The following LALBA variants were observed in gnomAD, a reference collection of about 807,000 sequenced individuals.
LALBA encodes the protein lactalbumin alpha.
LALBA carries 12 observed loss-of-function variants against 13.4 expected under a neutral mutation model. The ratio of observed to expected loss-of-function variants is 0.89; its 90% confidence interval spans 0.57 to 1.45. The LOEUF (loss-of-function observed/expected upper bound fraction) is 1.45, where lower values mean the gene tolerates loss of function less well. LALBA is among the 40% of genes most tolerant of loss of function. The pLI, the probability that LALBA is intolerant of heterozygous loss-of-function variation, is 0.00. For synonymous variants in LALBA, 64 were observed against 61.0 expected, an observed-to-expected ratio of 1.05 and a Z score of -0.23; for missense variants, 145 against 165.9, an observed-to-expected ratio of 0.87 and a Z score of 0.69.
rs201069256 is a variant in LALBA at position 48,570,001 on chromosome 12, A to G, written c.20T>C (p.Leu7Pro). Residue 7 changes from leucine (L) to proline (P), a missense_variant, in exon 1 of 4, where the codon CTG becomes CCG. Leu to Pro is a moderately conservative substitution (Grantham distance 98). Coordinates refer to ENST00000301046, the MANE Select transcript of LALBA (RefSeq NM_002289.3). ...AGGGAACAGGATGCCCACCAGGAACAGAGGGACAAAGAACCTCATTTTGGC... is the reference window on the plus strand; with the variant it reads ...AGGGAACAGGATGCCCACCAGGAACGGAGGGACAAAGAACCTCATTTTGGC... MRFFVP[L>P]FLVGILFPAI... is the part of the protein sequence containing the mutation. 1 of 1,614,116 alleles carries G rather than the reference A, an allele frequency of 6.2e-7. No individual in the cohort carries two copies. Among genetic ancestry groups the G allele is most frequent in the East Asian group, 2.2e-5 (1 of 44,874 alleles).
At chr12:48,569,654 A>G (rs1938609015) in intron 1 of LALBA, among the ~76,000 whole-genome samples, 1 of 152,182 alleles carries the variant, frequency 6.6e-6, no homozygotes, top group African/African-American at 2.4e-5. Flanking sequence ...CGGAGGTTGC[A>G]GTGAGCCGAG....
upstream of LALBA, among the ~76,000 whole-genome samples, chr12:48,570,732 C>T (rs759962125): frequency 1.1e-4 from 17 of 152,062 alleles, no homozygotes; most frequent in Admixed American, 2.0e-4. Context: ...CCTGTAATCC[C>T]GGCATTTTGG....
intron 3 of LALBA, 25 bp downstream of exon 3, chr12:48,568,492 A>C: frequency 7.5e-7 from 1 of 1,339,956 alleles, no homozygotes; most frequent in South Asian, 1.2e-5. Context: ...AGGATGGGGA[A>C]ATAGAAAATA....
chr12:48,569,830 G>T, intron 1 of LALBA, 58 bp downstream of exon 1: 1 of 1,567,234 alleles, frequency 6.4e-7, no homozygotes, highest in Non-Finnish European at 8.7e-7. Context: ...GGAAGAAAGA[G>T]GGGATGGAGG....
chr12:48,568,701 G>GT, intron 2 of LALBA, 109 bp from the exon 3 acceptor site: 1 of 675,334 alleles, frequency 1.5e-6, no homozygotes, highest in Non-Finnish European at 2.6e-6. Flanking sequence ...CTCAAGGCTT[G>GT]TGCCTGTTGT....
chr12:48,570,778 C>T (rs530769039), upstream of LALBA, among the ~76,000 whole-genome samples: 74 of 151,982 alleles, frequency 4.9e-4, no homozygotes, highest in African/African-American at 1.7e-3. Context: ...AGCCCAGGAG[C>T]TCGAGACCAG....
At chr12:48,568,199 G>A (rs1409728621) in intron 3 of LALBA, 182 bp from the exon 4 acceptor site, 3 of 631,244 alleles carry the variant, frequency 4.8e-6, no homozygotes, top group African/African-American at 3.7e-5. Context: ...AAATTGTAGG[G>A]TTAAAAAAGA....
Position 48,567,690 on chromosome 12 carries a change from C to T in LALBA, c.*267G>A. 2 of 354,970 alleles carry T rather than the reference C, an allele frequency of 5.6e-6. No individual in the cohort carries two copies. The highest frequency in any genetic ancestry group is 1.0e-5 in the Non-Finnish European group (2 of 192,064). The allele number at this position is 354,970 out of a possible 1,614,324, so 22.0% of individuals were successfully genotyped here. ...GGAAAAAAATTACAGCCAGTGACTT[C>T]AAAGTGGGACCTTTATTCAAGACAG... On this transcript the variant is annotated 3_prime_UTR_variant, in exon 4 of 4. Coordinates refer to ENST00000301046, the MANE Select transcript of LALBA (RefSeq NM_002289.3).
At position 48,569,173 on chromosome 12, in the gene LALBA, C is replaced by T. The variant is rs753946024; in HGVS notation, c.201G>A (p.Thr67=). ...TQAIVENNES[T]EYGLFQISNK... ...TACTGATCTGGAAGAGTCCATATTC[C>T]GTGCTTTCATTGTTTTCAACTATGG... Residue 67 remains threonine (T), a synonymous_variant, in exon 2 of 4, where the codon ACG becomes ACA. Coordinates refer to ENST00000301046, the MANE Select transcript of LALBA (RefSeq NM_002289.3). 58 of 1,613,518 alleles carry T rather than the reference C, an allele frequency of 3.6e-5. No individual in the cohort carries two copies. Among genetic ancestry groups the T allele is most frequent in the Admixed American group, 1.3e-4 (8 of 59,946 alleles).
In LALBA at chr12:48,569,989, C is replaced by A. The variant is rs747113532; in HGVS notation, c.32G>T (p.Gly11Val). The change falls in exon 1 of 4, where the codon GGC (glycine) becomes GTC (valine). Residue 11 changes from glycine (G) to valine (V), a missense_variant. Transcript: ENST00000301046. MRFFVPLFLV[G>V]ILFPAILAKQ... is the part of the protein sequence containing the mutation. ...GGCCAGGATGGCAGGGAACAGGATG[C>A]CCACCAGGAACAGAGGGACAAAGAA... 2 of 1,613,986 alleles carry A rather than the reference C, an allele frequency of 1.2e-6. No individual in the cohort carries two copies. Among genetic ancestry groups the A allele is most frequent in the East Asian group, 2.2e-5 (1 of 44,868 alleles).
chr12:48,569,404 G>C (rs1464378047), intron 1 of LALBA, among the ~76,000 whole-genome samples, 164 bp from the exon 2 acceptor site: 2 of 152,130 alleles, frequency 1.3e-5, no homozygotes, highest in African/African-American at 4.8e-5. Context: ...CAGACAATAA[G>C]AGAAAGAAAG....
At position 48,569,955 on chromosome 12, in the gene LALBA, G is replaced by T. The variant is rs771536447; in HGVS notation, c.66C>A (p.Phe22Leu). The T allele has an allele frequency of 1.2e-5, 20 of 1,614,066 alleles. No individual in the cohort carries two copies. The highest frequency in any genetic ancestry group is 1.7e-5 in the Non-Finnish European group (20 of 1,180,008). ...ILFPAILAKQ[F>L]TKCELSQLLK... ...GCAGCTGGGACAGCTCACATTTTGT[G>T]AATTGCTTGGCCAGGATGGCAGGGA... The change falls in exon 1 of 4, where the codon TTC becomes TTA. Residue 22 changes from phenylalanine (F) to leucine (L), a missense_variant. Phe to Leu is a conservative substitution (Grantham distance 22). Transcript: ENST00000301046.
At position 48,567,813 on chromosome 12, in the gene LALBA, A is replaced by G. The variant is rs982268394; in HGVS notation, c.*144T>C. ...CAGGCATCCCTGGAAAATAGTCTTC[A>G]AGAATTCGGTGATGTCACTACAGGG... On this transcript the variant is annotated 3_prime_UTR_variant, in exon 4 of 4. Coordinates refer to ENST00000301046, the MANE Select transcript of LALBA (RefSeq NM_002289.3). 2.0e-5 allele frequency: 14 copies of G among 706,428 alleles called. No homozygotes were observed. The highest frequency in any genetic ancestry group is 1.6e-4 in the African/African-American group (9 of 56,384). 43.8% of individuals were successfully genotyped at this position (706,428 alleles called of 1,614,324 possible).
chr12:48,568,008 A>G lies in LALBA; in HGVS notation c.378T>C (p.His126=), dbSNP rs1197109787. The G allele has an allele frequency of 3.1e-6, 5 of 1,599,356 alleles. No homozygotes were observed. The South Asian group carries it at 3.4e-5, about 11-fold the overall frequency. ...CCAGCTTCTCAGTGCAGAGGGCTTT[A>G]TGGGCCAACCTGATAATGGAGAAGG... ...DIKGIDYWLA[H]KALCTEKLEQ... Residue 126 remains histidine, a synonymous_variant, in exon 4 of 4, where the codon CAT becomes CAC. Coordinates refer to ENST00000301046, the MANE Select transcript of LALBA (RefSeq NM_002289.3).
chr12:48,570,789 C>T (rs972149328), upstream of LALBA, among the ~76,000 whole-genome samples: 6 of 151,888 alleles, frequency 4.0e-5, no homozygotes, highest in Non-Finnish European at 7.4e-5. Context: ...TCGAGACCAG[C>T]CTGGGCAACA....
upstream of LALBA, among the ~76,000 whole-genome samples, chr12:48,570,424 A>G (rs1938619256): frequency 6.6e-6 from 1 of 152,078 alleles, no homozygotes; most frequent in Non-Finnish European, 1.5e-5. Context: ...TTCTATACCG[A>G]GCTTCCCCCT....
chr12:48,569,161 G>A lies in LALBA; in HGVS notation c.213C>T (p.Leu71=). Residue 71 remains leucine, a synonymous_variant, in exon 2 of 4, where the codon CTC becomes CTT. Coordinates refer to ENST00000301046, the MANE Select transcript of LALBA (RefSeq NM_002289.3). ...ACCAAAGCTTATTACTGATCTGGAAGAGTCCATATTCCGTGCTTTCATTGT... is the reference window on the plus strand; with the variant it reads ...ACCAAAGCTTATTACTGATCTGGAAAAGTCCATATTCCGTGCTTTCATTGT... ...VENNESTEYG[L]FQISNKLWCK... The A allele has an allele frequency of 6.2e-7, 1 of 1,613,620 alleles. No homozygotes were observed. Among genetic ancestry groups the A allele is most frequent in the African/African-American group, 1.3e-5 (1 of 75,034 alleles).
upstream of LALBA, among the ~76,000 whole-genome samples, chr12:48,571,652 A>G (rs1184421143): frequency 2.6e-5 from 4 of 151,912 alleles, no homozygotes; most frequent in Admixed American, 6.6e-5. Flanking sequence ...CGGCCTCCCA[A>G]AGTGCTAGGA....
intron 1 of LALBA, 99 bp downstream of exon 1, chr12:48,569,789 A>G: frequency 9.5e-7 from 1 of 1,051,438 alleles, no homozygotes; most frequent in Non-Finnish European, 1.4e-6. Flanking sequence ...GAGGATGATT[A>G]GATAATTAAG....
Sources: allele counts gnomAD v4.1 joint callset (sites outside exome capture counted in the v4.1 genomes callset), GRCh38; gene constraint gnomAD v4.1.1; transcripts MANE v1.5; gene names NCBI Gene and HGNC (gene_info 2026-07-23, HGNC 2026-07-21).